The following RBFOX1 variants were observed in gnomAD, a reference collection of about 807,000 sequenced individuals.
RBFOX1 encodes RNA binding protein fox-1 homolog 1.
Under a neutral mutation model 57.7 loss-of-function variants are expected in RBFOX1, and 8 were observed. The ratio of observed to expected loss-of-function variants is 0.14; its 90% CI spans 0.08 to 0.25. The LOEUF is 0.25. RBFOX1 is among the 10% of genes least tolerant of loss of function. RBFOX1 has a pLI of 1.00. For missense variants in RBFOX1, 611 were observed against 548.5 expected (o/e 1.11, Z -1.14); for synonymous variants, 326 against 222.4 (o/e 1.47, Z -4.15).
intron 3 of RBFOX1, among the ~76,000 whole-genome samples, chr16:6,802,643 C>G (rs372432228): frequency 6.6e-6 from 1 of 152,180 alleles, no homozygotes; most frequent in Non-Finnish European, 1.5e-5. Context: ...TGCTACTGTA[C>G]TCCAGCCTGG....
chr16:7,000,113 A>G (rs368379767), intron 3 of RBFOX1, among the ~76,000 whole-genome samples: 4 of 152,028 alleles, frequency 2.6e-5, no homozygotes, highest in African/African-American at 9.6e-5. Context: ...GTGTCCAAAC[A>G]TCATATTATT....
chr16:6,518,216 C>T (rs2096418577), intron 2 of RBFOX1, among the ~76,000 whole-genome samples: 1 of 152,106 alleles, frequency 6.6e-6, no homozygotes, highest in African/African-American at 2.4e-5. Context: ...TATTGATTAC[C>T]TTGAGGGTTG....
chr16:5,942,147 C>T (rs903166064), intron 4 of RBFOX1, among the ~76,000 whole-genome samples: 3 of 152,012 alleles, frequency 2.0e-5, no homozygotes, highest in African/African-American at 7.3e-5. Flanking sequence ...AGGGGGAGTG[C>T]AATAGAGAAA....
At chr16:5,871,821 G>A (rs58623200) in intron 4 of RBFOX1, among the ~76,000 whole-genome samples, 35,069 of 152,144 alleles carry the variant, frequency 0.23, 4,542 homozygotes, top group African/African-American at 0.33. Flanking sequence ...TGTAAACTCA[G>A]TGGAGGGCCT....
At chr16:7,620,354 C>T (rs538492196) in intron 10 of RBFOX1, among the ~76,000 whole-genome samples, 114 of 152,280 alleles carry the variant, frequency 7.5e-4, no homozygotes, top group African/African-American at 2.7e-3. Flanking sequence ...ACTCAACTTC[C>T]AGTCAGCAAG....
intron 3 of RBFOX1, among the ~76,000 whole-genome samples, chr16:5,660,888 C>T (rs2049624051): frequency 6.6e-6 from 1 of 152,064 alleles, no homozygotes; most frequent in Admixed American, 6.5e-5. Flanking sequence ...GTAGCTGCTG[C>T]GTGTGCAAAT....
At chr16:6,983,288 T>C (rs1224449391) in intron 3 of RBFOX1, among the ~76,000 whole-genome samples, 1 of 152,138 alleles carries the variant, frequency 6.6e-6, no homozygotes, top group Non-Finnish European at 1.5e-5. Context: ...GATGTGCAGT[T>C]GTCTATCCAA....
chr16:5,489,696 G>A (rs1393150005), intron 2 of RBFOX1, among the ~76,000 whole-genome samples: 3 of 152,194 alleles, frequency 2.0e-5, no homozygotes, highest in South Asian at 4.1e-4. Flanking sequence ...AGTGCTTGAC[G>A]TGATGACCTC....
chr16:6,240,635 C>T (rs1165521709), intron 1 of RBFOX1, among the ~76,000 whole-genome samples: 1 of 152,046 alleles, frequency 6.6e-6, no homozygotes, highest in Non-Finnish European at 1.5e-5. Flanking sequence ...TGACCACATG[C>T]AGCTGCCCAC....
chr16:7,453,144 A>AT (rs1292776597), intron 4 of RBFOX1, among the ~76,000 whole-genome samples: 61 of 151,762 alleles, frequency 4.0e-4, no homozygotes, highest in Middle Eastern at 3.4e-3. Flanking sequence ...AAAAAAAAAA[A>AT]AAAATTGCAA....
chr16:7,352,824 T>C (rs1284834193), intron 4 of RBFOX1, among the ~76,000 whole-genome samples: 11 of 152,094 alleles, frequency 7.2e-5, no homozygotes, highest in Non-Finnish European at 1.6e-4. Context: ...CAGGTGATCC[T>C]CCCACCTCAA....
At chr16:7,293,048 A>C (rs1001477390) in intron 4 of RBFOX1, among the ~76,000 whole-genome samples, 8 of 152,172 alleles carry the variant, frequency 5.3e-5, no homozygotes, top group Non-Finnish European at 1.0e-4. Flanking sequence ...CAGTTTAATC[A>C]AAGTCGAGGG....
chr16:6,195,042 C>T (rs2097170817), intron 1 of RBFOX1, among the ~76,000 whole-genome samples: 1 of 151,982 alleles, frequency 6.6e-6, no homozygotes, highest in African/African-American at 2.4e-5. Context: ...TTTCCTTGCC[C>T]CCAAATCTTT....
intron 3 of RBFOX1, among the ~76,000 whole-genome samples, chr16:5,752,951 C>G (rs935688643): frequency 6.6e-6 from 1 of 152,058 alleles, no homozygotes; most frequent in African/African-American, 2.4e-5. Context: ...GAGTTCAAGA[C>G]CAGCCTGCTC....
At chr16:5,454,006 G>T (rs1380741319) in intron 1 of RBFOX1, among the ~76,000 whole-genome samples, 1 of 152,212 alleles carries the variant, frequency 6.6e-6, no homozygotes, top group East Asian at 1.9e-4. Flanking sequence ...GTGTGTTCCA[G>T]GAAGGGTGAC....
At chr16:5,248,400 C>T (rs1183781482) in intron 1 of RBFOX1, among the ~76,000 whole-genome samples, 1 of 152,256 alleles carries the variant, frequency 6.6e-6, no homozygotes, top group Non-Finnish European at 1.5e-5. Flanking sequence ...TCCTGACTGC[C>T]AGCCCAGATC....
intron 1 of RBFOX1, among the ~76,000 whole-genome samples, chr16:6,032,257 CCT>C (rs2095301584): frequency 6.6e-6 from 1 of 152,062 alleles, no homozygotes; most frequent in Admixed American, 6.5e-5. Flanking sequence ...GTGTGGTCCC[CCT>C]GTGTCCTCAT....
intron 1 of RBFOX1, among the ~76,000 whole-genome samples, chr16:5,425,556 C>T (rs1196423267): frequency 6.6e-6 from 1 of 152,184 alleles, no homozygotes; most frequent in African/African-American, 2.4e-5. Context: ...CGTGCAAAAT[C>T]AGCCATGTGA....
intron 8 of RBFOX1, among the ~76,000 whole-genome samples, chr16:7,596,184 T>C (rs1168096470): frequency 2.0e-5 from 3 of 149,686 alleles, no homozygotes. Context: ...TTTTTTTTTT[T>C]TAAGAAGCCA....
Sources: gnomAD v4.1 joint callset for allele counts (sites outside exome capture counted in the v4.1 genomes callset) on GRCh38, gnomAD v4.1.1 for gene constraint, MANE v1.5 for transcripts, NCBI Gene and HGNC (gene_info 2026-07-23, HGNC 2026-07-21) for gene names.